Variants in FGGY observed in about 807,000 individuals in gnomAD.
FGGY encodes FGGY carbohydrate kinase domain-containing protein.
FGGY carries 72 observed loss-of-function variants against 71.3 expected under a neutral mutation model. The ratio of observed to expected loss-of-function variants is 1.01; its 90% CI spans 0.84 to 1.23. FGGY has a LOEUF of 1.23. FGGY is among the 50% of genes most tolerant of loss of function. The probability of loss-of-function intolerance (pLI) is 0.00; values close to 1 mark genes in which losing one functional copy is unlikely to be tolerated. For missense variants in FGGY, 668 were observed against 682.3 expected (o/e 0.98, Z 0.23); for synonymous variants, 251 against 250.3 (o/e 1.00, Z -0.02).
Position 59,574,981 on chromosome 1 carries a change from G to A in FGGY, c.903+20754G>A, listed in dbSNP as rs532520258. 2.5e-3 allele frequency among the ~76,000 whole-genome samples: 373 copies of A among 152,084 alleles called. 1 individual carries two copies. The highest frequency in any genetic ancestry group is 0.01 in the Middle Eastern group (3 of 286). On this transcript the variant is annotated intron_variant, in intron 8 of 15. Coordinates refer to ENST00000303721, the MANE Select transcript of FGGY (RefSeq NM_018291.5). ...AAGTGTATGTTAATTTATTTTTATC[G>A]TTTATTTCTTACTGACAAATGCAAA...
chr1:59,610,924 C>A (rs963726242), intron 9 of FGGY, among the ~76,000 whole-genome samples: 1 of 152,240 alleles, frequency 6.6e-6, no homozygotes, highest in Non-Finnish European at 1.5e-5. Context: ...GCCAGCACAG[C>A]AGTCTCAGAT....
At chr1:59,460,906 T>C (rs1399455349) in intron 6 of FGGY, among the ~76,000 whole-genome samples, 2 of 151,892 alleles carry the variant, frequency 1.3e-5, no homozygotes, top group Admixed American at 1.3e-4. Flanking sequence ...AAAAAGGACA[T>C]CCACAACAAA....
intron 5 of FGGY, among the ~76,000 whole-genome samples, chr1:59,399,704 T>C (rs1312696471): frequency 6.6e-6 from 1 of 152,230 alleles, no homozygotes. Context: ...ATAATTTTTT[T>C]CTTTGTGTTC....
chr1:59,498,803 C>T (rs898078348), intron 6 of FGGY, among the ~76,000 whole-genome samples: 2 of 152,194 alleles, frequency 1.3e-5, no homozygotes, highest in African/African-American at 4.8e-5. Context: ...TCGATTTCCA[C>T]GTCAACATGA....
chr1:59,375,186 G>C (rs1486855661), intron 4 of FGGY, among the ~76,000 whole-genome samples: 2 of 151,050 alleles, frequency 1.3e-5, no homozygotes, highest in South Asian at 2.1e-4. Context: ...CTTGAACCCG[G>C]GGTGCAGAGG....
In FGGY at chr1:59,653,755, A is replaced by G. The variant is rs558934350; in HGVS notation, c.1222-6464A>G. On this transcript the variant is annotated intron_variant, in intron 11 of 15. Transcript: ENST00000303721. ...GGAGCTGTAGACTGGAGCTGTTCCT[A>G]TTCGGCCATCTTGGCTCCTCCTCCT... Among the ~76,000 whole-genome samples the G allele has an allele frequency of 8.7e-4, 133 of 152,306 alleles. 2 individuals carry two copies. The highest frequency in any genetic ancestry group is 3.0e-3 in the African/African-American group (125 of 41,562).
chr1:59,320,194 G>C (rs2046148507), intron 1 of FGGY, among the ~76,000 whole-genome samples: 1 of 152,194 alleles, frequency 6.6e-6, no homozygotes, highest in African/African-American at 2.4e-5. Flanking sequence ...GGACAATTCT[G>C]TTGGGAAATC....
intron 9 of FGGY, among the ~76,000 whole-genome samples, chr1:59,617,844 C>G (rs1382680273): frequency 6.6e-6 from 1 of 152,048 alleles, no homozygotes; most frequent in African/African-American, 2.4e-5. Context: ...CACAAGGTCA[C>G]AATGCAACAA....
intron 13 of FGGY, among the ~76,000 whole-genome samples, chr1:59,669,137 G>A (rs1454712426): frequency 6.6e-6 from 1 of 152,164 alleles, no homozygotes; most frequent in Admixed American, 6.5e-5. Context: ...ACCACCAAAG[G>A]TAGAAATCGG....
intron 8 of FGGY, among the ~76,000 whole-genome samples, chr1:59,562,882 T>C (rs1322716316): frequency 1.3e-5 from 2 of 152,206 alleles, no homozygotes; most frequent in Non-Finnish European, 2.9e-5. Context: ...ATCTTAAATA[T>C]GTACAGTTTA....
intron 6 of FGGY, among the ~76,000 whole-genome samples, chr1:59,471,196 G>A (rs530882587): frequency 2.2e-4 from 27 of 124,434 alleles, no homozygotes; most frequent in African/African-American, 7.8e-4. Context: ...GATAGTGAAG[G>A]AGTTCTCAGA....
At chr1:59,571,180 A>G (rs771267796) in intron 8 of FGGY, among the ~76,000 whole-genome samples, 1 of 152,220 alleles carries the variant, frequency 6.6e-6, no homozygotes, top group Non-Finnish European at 1.5e-5. Flanking sequence ...ACACTGGGAA[A>G]TAATTAATAG....
intron 1 of FGGY, among the ~76,000 whole-genome samples, chr1:59,316,768 G>A (rs2045528227): frequency 6.6e-6 from 1 of 152,202 alleles, no homozygotes; most frequent in Non-Finnish European, 1.5e-5. Flanking sequence ...ATGTCTTGTA[G>A]ACTGAGAAGT....
chr1:59,477,883 T>C (rs78760440), intron 6 of FGGY, among the ~76,000 whole-genome samples: 164 of 152,312 alleles, frequency 1.1e-3, no homozygotes, highest in African/African-American at 3.5e-3. Flanking sequence ...TGTTCTGTTA[T>C]GGATATTGTA....
At chr1:59,398,047 G>A (rs954785468) in intron 5 of FGGY, among the ~76,000 whole-genome samples, 1 of 152,046 alleles carries the variant, frequency 6.6e-6, no homozygotes, top group Non-Finnish European at 1.5e-5. Flanking sequence ...GACTTGTTTT[G>A]GGAGAAGCCA....
chr1:59,536,628 A>G (rs993711109), intron 7 of FGGY, among the ~76,000 whole-genome samples: 9 of 152,354 alleles, frequency 5.9e-5, no homozygotes, highest in African/African-American at 2.2e-4. Context: ...AAGCTTATCC[A>G]GCAGCACATC....
intron 4 of FGGY, among the ~76,000 whole-genome samples, chr1:59,357,334 CTAT>C (rs1053739575): frequency 1.3e-5 from 2 of 152,150 alleles, no homozygotes; most frequent in African/African-American, 2.4e-5. Context: ...TAAATGTCAG[CTAT>C]TATTATAATA....
At chr1:59,512,916 C>A (rs944709456) in intron 7 of FGGY, among the ~76,000 whole-genome samples, 5 of 152,068 alleles carry the variant, frequency 3.3e-5, no homozygotes, top group African/African-American at 1.2e-4. Flanking sequence ...TTCATTTGTT[C>A]ATTCATAAAA....
intron 5 of FGGY, among the ~76,000 whole-genome samples, chr1:59,428,331 T>TA (rs750011180): frequency 1.3e-5 from 2 of 152,228 alleles, no homozygotes; most frequent in African/African-American, 4.8e-5. Flanking sequence ...TCATAGTGAT[T>TA]AAATGACTTG....
Sources: gnomAD v4.1 joint callset for allele counts (sites outside exome capture counted in the v4.1 genomes callset) on GRCh38, gnomAD v4.1.1 for gene constraint, MANE v1.5 for transcripts, NCBI Gene and HGNC (gene_info 2026-07-23, HGNC 2026-07-21) for gene names.